ZNF385D: variants seen among roughly 807,000 people sequenced by gnomAD.
ZNF385D encodes the protein zinc finger protein 385D, also known as zinc finger protein 659.
Under a neutral mutation model 35.8 loss-of-function variants are expected in ZNF385D, and 15 were observed. That is an observed-to-expected ratio of 0.42 (90% CI 0.28 to 0.64). The LOEUF is 0.64. Ranked by LOEUF, ZNF385D falls within the 30% of genes least tolerant of loss-of-function variation. ZNF385D has a pLI of 0.23. For missense variants in ZNF385D, 474 were observed against 494.6 expected, an observed-to-expected ratio of 0.96 and a Z score of 0.39; for synonymous variants, 212 against 186.8, an observed-to-expected ratio of 1.13 and a Z score of -1.10.
chr3:21,793,215 T>A (rs766877863), intron 3 of ZNF385D, among the ~76,000 whole-genome samples: 1 of 152,222 alleles, frequency 6.6e-6, no homozygotes, highest in Non-Finnish European at 1.5e-5. Flanking sequence ...TAGCTAGCCA[T>A]GAGAGCCACT....
At chr3:22,220,211 G>A (rs1291858208) in intron 2 of ZNF385D, among the ~76,000 whole-genome samples, 2 of 151,696 alleles carry the variant, frequency 1.3e-5, no homozygotes, top group Non-Finnish European at 2.9e-5. Context: ...CCACAGGCAC[G>A]TGCCACCACA....
At chr3:21,891,112 A>G (rs891073846) in intron 3 of ZNF385D, among the ~76,000 whole-genome samples, 2 of 152,096 alleles carry the variant, frequency 1.3e-5, no homozygotes, top group Non-Finnish European at 2.9e-5. Flanking sequence ...GGTTAAAGTA[A>G]TACTCTATAA....
At chr3:21,445,549 A>G (rs1478167152) in intron 4 of ZNF385D, among the ~76,000 whole-genome samples, 4 of 152,326 alleles carry the variant, frequency 2.6e-5, no homozygotes, top group Non-Finnish European at 5.9e-5. Flanking sequence ...ATATCAAAGC[A>G]TTGTCCTTAG....
chr3:21,795,374 G>C (rs2072103337), intron 3 of ZNF385D, among the ~76,000 whole-genome samples: 1 of 152,222 alleles, frequency 6.6e-6, no homozygotes, highest in Admixed American at 6.5e-5. Context: ...GGTTTTATTA[G>C]TGGCCACTGC....
intron 3 of ZNF385D, among the ~76,000 whole-genome samples, chr3:21,909,939 C>G (rs1387372351): frequency 1.3e-5 from 2 of 151,974 alleles, no homozygotes; most frequent in Non-Finnish European, 2.9e-5. Flanking sequence ...CAACAAATTG[C>G]TTTTGTAACA....
chr3:21,842,095 T>C (rs1695719794), intron 3 of ZNF385D, among the ~76,000 whole-genome samples: 1 of 151,972 alleles, frequency 6.6e-6, no homozygotes, highest in Non-Finnish European at 1.5e-5. Flanking sequence ...TAAAACTATA[T>C]GTTATTTTAA....
At chr3:21,869,514 G>GGTCA (rs1697571955) in intron 3 of ZNF385D, among the ~76,000 whole-genome samples, 1 of 151,980 alleles carries the variant, frequency 6.6e-6, no homozygotes, top group Non-Finnish European at 1.5e-5. Flanking sequence ...GAGAGCAGAA[G>GGTCA]GTCAGTAAAG....
chr3:22,216,750 C>CGAAT (rs1302600819), intron 2 of ZNF385D, among the ~76,000 whole-genome samples: 1 of 152,048 alleles, frequency 6.6e-6, no homozygotes, highest in East Asian at 1.9e-4. Flanking sequence ...ACCACACTTG[C>CGAAT]GAATTTCCTT....
chr3:22,291,253 A>C (rs1702287171), intron 2 of ZNF385D, among the ~76,000 whole-genome samples: 1 of 152,144 alleles, frequency 6.6e-6, no homozygotes, highest in Non-Finnish European at 1.5e-5. Flanking sequence ...AAAATAATGG[A>C]AACTTTCCTT....
At chr3:21,883,021 G>A (rs1465962833) in intron 3 of ZNF385D, among the ~76,000 whole-genome samples, 2 of 151,922 alleles carry the variant, frequency 1.3e-5, no homozygotes, top group South Asian at 2.1e-4. Context: ...ATCATTCTGA[G>A]AAAATATTGA....
intron 2 of ZNF385D, among the ~76,000 whole-genome samples, chr3:22,266,177 A>G (rs1209368528): frequency 1.3e-5 from 2 of 151,928 alleles, no homozygotes; most frequent in African/African-American, 4.8e-5. Context: ...TTGGACCTTC[A>G]TACATTTCAT....
intron 1 of ZNF385D, among the ~76,000 whole-genome samples, chr3:21,748,380 G>T (rs1214566023): frequency 1.4e-5 from 2 of 146,470 alleles, no homozygotes; most frequent in Non-Finnish European, 3.0e-5. Flanking sequence ...CAGATAGGCT[G>T]AGCCAGGCTA....
chr3:22,000,728 A>G (rs1369562655), intron 3 of ZNF385D, among the ~76,000 whole-genome samples: 7 of 150,986 alleles, frequency 4.6e-5, no homozygotes, highest in Admixed American at 3.3e-4. Context: ...ACAGGCCAGG[A>G]GAGAATGGGA....
chr3:21,682,594 A>C (rs570424562), intron 1 of ZNF385D, among the ~76,000 whole-genome samples: 1 of 150,282 alleles, frequency 6.7e-6, no homozygotes, highest in Non-Finnish European at 1.5e-5. Context: ...AATCTTTTTT[A>C]GGGAAATGAG....
At chr3:21,949,492 G>A (rs1263013919) in intron 3 of ZNF385D, among the ~76,000 whole-genome samples, 1 of 150,726 alleles carries the variant, frequency 6.6e-6, no homozygotes, top group South Asian at 2.1e-4. Flanking sequence ...AACTAGATGA[G>A]TGCTTTCTGA....
Position 21,969,754 on chromosome 3 carries a change from A to T in ZNF385D, c.325+199063T>A, listed in dbSNP as rs367760318. Reference sequence around the variant, plus strand: ...TCACCATAGGCCTTGGGCAGGACTCACTGCTATGCTGGCTTTGGGTCTGAC... The same window carrying T: ...TCACCATAGGCCTTGGGCAGGACTCTCTGCTATGCTGGCTTTGGGTCTGAC... On this transcript the variant is annotated intron_variant, in intron 3 of 5. Transcript: ENST00000494108. 7.9e-5 allele frequency among the ~76,000 whole-genome samples: 12 copies of T among 151,930 alleles called. No individual in the cohort carries two copies. In the East Asian group the frequency reaches 2.3e-3, roughly 30 times the overall value.
intron 3 of ZNF385D, chr3:21,542,898 T>G (rs531451781): frequency 1.3e-5 from 2 of 152,568 alleles, no homozygotes; most frequent in Admixed American, 6.5e-5. Flanking sequence ...CAAACCTAAA[T>G]TTTCCTGGCC....
intron 2 of ZNF385D, among the ~76,000 whole-genome samples, chr3:21,604,044 C>T (rs1207438159): frequency 2.6e-5 from 4 of 152,104 alleles, no homozygotes; most frequent in African/African-American, 9.7e-5. Flanking sequence ...AGCGAGATTG[C>T]CGAGTAACTG....
At chr3:21,656,436 T>C (rs533866909) in intron 2 of ZNF385D, among the ~76,000 whole-genome samples, 12 of 152,066 alleles carry the variant, frequency 7.9e-5, no homozygotes, top group African/African-American at 2.9e-4. Flanking sequence ...GTAGATGACA[T>C]TCTCCCTGAA....
Sources: allele counts gnomAD v4.1 joint callset (sites outside exome capture counted in the v4.1 genomes callset), GRCh38; gene constraint gnomAD v4.1.1; transcripts MANE v1.5; gene names NCBI Gene and HGNC (gene_info 2026-07-23, HGNC 2026-07-21).